The following SLC24A5 variants were observed in gnomAD, a reference collection of about 807,000 sequenced individuals.
The protein encoded by SLC24A5 is solute carrier family 24 member 5.
SLC24A5 carries 46 observed loss-of-function variants against 51.6 expected under a neutral mutation model. The observed-to-expected ratio is 0.89, with a 90% confidence interval of 0.70 to 1.14. The LOEUF (loss-of-function observed/expected upper bound fraction) is 1.14, where lower values mean the gene tolerates loss of function less well. Ranked by LOEUF, SLC24A5 falls within the 50% of genes most tolerant of loss-of-function variation. SLC24A5 has a pLI of 0.00. For missense variants in SLC24A5, 581 were observed against 604.1 expected, an observed-to-expected ratio of 0.96 and a Z score of 0.40; for synonymous variants, 230 against 214.9, an observed-to-expected ratio of 1.07 and a Z score of -0.62.
intron 2 of SLC24A5, among the ~76,000 whole-genome samples, chr15:48,131,028 T>C (rs1281466081): frequency 2.0e-5 from 3 of 152,176 alleles, no homozygotes; most frequent in African/African-American, 7.2e-5. Flanking sequence ...ATCTGTAAAA[T>C]GGAATACCAC....
rs1177530509 is a variant in SLC24A5 at position 48,133,247 on chromosome 15, ATAC to A, written c.302-1008_302-1006del. 3.9e-5 allele frequency among the ~76,000 whole-genome samples: 6 copies of A among 152,288 alleles called. No homozygotes were observed. The East Asian group carries it at 1.2e-3, about 29-fold the overall frequency. On this transcript the variant is annotated intron_variant, in intron 2 of 8. Coordinates refer to ENST00000341459, the MANE Select transcript of SLC24A5 (RefSeq NM_205850.3). Reference sequence around the variant, plus strand: ...AACCCAAATTCTAGTTCTGACTTCGATACTAACTTTGTGACCTAGGGTAGATAA... The same window carrying A: ...AACCCAAATTCTAGTTCTGACTTCGATAACTTTGTGACCTAGGGTAGATAA...
intron 7 of SLC24A5, chr15:48,140,240 A>T (rs1301724096): frequency 6.6e-6 from 1 of 152,158 alleles, no homozygotes; most frequent in Admixed American, 6.5e-5. Context: ...GATGATAAAT[A>T]TTAGTGTTAT....
intron 2 of SLC24A5, among the ~76,000 whole-genome samples, chr15:48,128,286 T>TA (rs944658442): frequency 4.6e-5 from 7 of 152,232 alleles, no homozygotes; most frequent in African/African-American, 1.7e-4. Context: ...AAAAAAAATT[T>TA]ACACTAATAT....
intron 6 of SLC24A5, chr15:48,138,763 G>T (rs758250199): frequency 1.9e-6 from 1 of 515,922 alleles, no homozygotes; most frequent in South Asian, 2.9e-5. Context: ...AAAGAAATGC[G>T]GAGTATCACA....
chr15:48,129,223 A>AGTTATCTTACTTATTGTTAAAACATT (rs1567221995), intron 2 of SLC24A5, among the ~76,000 whole-genome samples: 1 of 152,110 alleles, frequency 6.6e-6, no homozygotes, highest in Non-Finnish European at 1.5e-5. Flanking sequence ...AAGGTAATCA[A>AGTTATCTTACTTATTGTTAAAACATT]GTTATCTTAC....
intron 2 of SLC24A5, 92 bp downstream of exon 2, chr15:48,122,128 C>T: frequency 7.5e-7 from 1 of 1,334,666 alleles, no homozygotes. Flanking sequence ...CTGTCCTGTA[C>T]TTCTCAACTG....
At chr15:48,132,156 TCAC>T (rs1266025410) in intron 2 of SLC24A5, among the ~76,000 whole-genome samples, 1 of 152,176 alleles carries the variant, frequency 6.6e-6, no homozygotes, top group Non-Finnish European at 1.5e-5. Context: ...TTCTGTTTCT[TCAC>T]CACACAGACT....
At chr15:48,121,564 G>A (rs1183082276) in intron 1 of SLC24A5, among the ~76,000 whole-genome samples, 2 of 152,132 alleles carry the variant, frequency 1.3e-5, no homozygotes, top group African/African-American at 4.8e-5. Flanking sequence ...GTTTCTACTT[G>A]GGGAAGAGAG....
At chr15:48,129,152 G>A (rs2038763008) in intron 2 of SLC24A5, among the ~76,000 whole-genome samples, 1 of 152,024 alleles carries the variant, frequency 6.6e-6, no homozygotes, top group African/African-American at 2.4e-5. Flanking sequence ...GCCTTTAAAA[G>A]CATTACAGGT....
chr15:48,122,074 G>C (rs1265184667), intron 2 of SLC24A5, 38 bp downstream of exon 2: 1 of 1,596,828 alleles, frequency 6.3e-7, no homozygotes, highest in Non-Finnish European at 8.6e-7. Flanking sequence ...CCTTCTGGGA[G>C]AGTGTGCCAC....
chr15:48,121,667 C>A (rs984448096), intron 1 of SLC24A5, among the ~76,000 whole-genome samples, 190 bp from the exon 2 acceptor site: 1 of 152,136 alleles, frequency 6.6e-6, no homozygotes, highest in Non-Finnish European at 1.5e-5. Flanking sequence ...TATCTCTTTT[C>A]AGTCCCCCAA....
Position 48,122,053 on chromosome 15 carries a change from T to C in SLC24A5, c.301+17T>C. The C allele has an allele frequency of 1.2e-6, 2 of 1,613,754 alleles. No homozygotes were observed. Among genetic ancestry groups the C allele is most frequent in the Non-Finnish European group, 1.7e-6 (2 of 1,179,682 alleles). ...TCAGTGAATGTAAGTGGCTGGAAAG[T>C]TGCCCTGTAACCTTCTGGGAGAGTG... On this transcript the variant is annotated intron_variant, in intron 2 of 8. Transcript: ENST00000341459.
intron 8 of SLC24A5, 142 bp from the exon 9 acceptor site, chr15:48,141,887 T>G (rs2140779932): frequency 1.9e-6 from 1 of 535,408 alleles, no homozygotes; most frequent in East Asian, 3.0e-5. Flanking sequence ...AAAATACAAA[T>G]TCAGTAAGAC....
intron 2 of SLC24A5, among the ~76,000 whole-genome samples, chr15:48,124,967 C>A (rs1242133430): frequency 2.0e-5 from 3 of 152,192 alleles, no homozygotes; most frequent in Admixed American, 2.0e-4. Context: ...TCTGTCACTT[C>A]TCTTTTCAAG....
At chr15:48,121,236 G>T in intron 1 of SLC24A5, 71 bp downstream of exon 1, 3 of 1,477,600 alleles carry the variant, frequency 2.0e-6, no homozygotes, top group East Asian at 2.4e-5. Flanking sequence ...ACAGATGAAG[G>T]GACAAAAAGA....
intron 2 of SLC24A5, chr15:48,124,036 C>T (rs1024346344): frequency 1.3e-5 from 2 of 151,620 alleles, no homozygotes; most frequent in African/African-American, 2.4e-5. Context: ...GGATATTAAC[C>T]CTTTTTCTAG....
At chr15:48,122,947 C>G (rs1240361260) in intron 2 of SLC24A5, 1 of 152,150 alleles carries the variant, frequency 6.6e-6, no homozygotes, top group Non-Finnish European at 1.5e-5. Flanking sequence ...CACCCACCGC[C>G]CCCGACACAC....
At chr15:48,123,608 T>G (rs2038701746) in intron 2 of SLC24A5, 1 of 152,206 alleles carries the variant, frequency 6.6e-6, no homozygotes, top group African/African-American at 2.4e-5. Context: ...TCATAAAATT[T>G]AAAACTATTA....
intron 8 of SLC24A5, 85 bp from the exon 9 acceptor site, chr15:48,141,944 T>C: frequency 1.0e-6 from 1 of 998,610 alleles, no homozygotes; most frequent in Non-Finnish European, 1.4e-6. Context: ...AACAAAAAAG[T>C]ATCCAGTGTT....
Sources: allele counts gnomAD v4.1 joint callset (sites outside exome capture counted in the v4.1 genomes callset), GRCh38; gene constraint gnomAD v4.1.1; transcripts MANE v1.5; gene names NCBI Gene and HGNC (gene_info 2026-07-23, HGNC 2026-07-21).